Variants in FAM91A1 observed in about 807,000 individuals in gnomAD.
The protein encoded by FAM91A1 is family with sequence similarity 91 member A1.
Under a neutral mutation model 113.5 loss-of-function variants are expected in FAM91A1, and 41 were observed. The observed-to-expected ratio is 0.36, with a 90% CI of 0.28 to 0.47. FAM91A1 has a LOEUF of 0.47. Among genes scored for constraint, FAM91A1 ranks in the 20% least tolerant of loss-of-function variants. FAM91A1 has a pLI of 1.00. For missense variants in FAM91A1, 696 were observed against 1,001.2 expected (o/e 0.70, Z 4.11); for synonymous variants, 307 against 347.9 (o/e 0.88, Z 1.31).
At position 123,777,279 on chromosome 8, in the gene FAM91A1, T is replaced by C; in HGVS notation, c.324T>C (p.Ser108=). ...YTGIMEDIMN[S]EKSYDSLPNF... ...CTTTTTAAAAGGATATTATGAACAG[T>C]GAGAAAAGTTATGATTCATTGCCCA... The change falls in exon 4 of 24, where the codon AGT becomes AGC. Residue 108 remains serine, a synonymous_variant. Transcript: ENST00000334705. The C allele has an allele frequency of 1.2e-6, 2 of 1,609,032 alleles. No homozygotes were observed. Among genetic ancestry groups the C allele is most frequent in the Non-Finnish European group, 1.7e-6 (2 of 1,177,184 alleles).
At chr8:123,768,995 GT>G (rs1814775132) in intron 1 of FAM91A1, among the ~76,000 whole-genome samples, 1 of 152,232 alleles carries the variant, frequency 6.6e-6, no homozygotes, top group Non-Finnish European at 1.5e-5. Context: ...ATGGCATGGT[GT>G]CCACAGGACT....
rs1192111558 is a variant in FAM91A1 at position 123,787,132 on chromosome 8, A to G, written c.1079-129A>G. The stretch of plus-strand genomic sequence containing the variant: ...GGTATGGCTGGAACTTCTTATGGCT[A>G]TAATAGTGCCTTTTTAAAATTATGT... On this transcript the variant is annotated intron_variant, in intron 12 of 23. Transcript: ENST00000334705. The G allele has an allele frequency of 2.9e-5, 20 of 681,374 alleles. No individual in the cohort carries two copies. The Admixed American group carries it at 4.8e-4, about 16-fold the overall frequency. The allele number at this position is 681,374 out of a possible 1,614,324, so 42.2% of individuals were successfully genotyped here. A position where few individuals can be genotyped will look rare whatever the true frequency, so the allele number is the denominator to read the frequency against.
Position 123,768,469 on chromosome 8 carries a change from A to T in FAM91A1, c.-234A>T. ...CATTTCCGGCGGCCCGAAACTAGGA[A>T]GAAACTTGGAGCTGTTCAGGCGATC... On this transcript the variant is annotated 5_prime_UTR_variant, in exon 1 of 24. It adds an upstream start codon to the 5' untranslated region. Coordinates refer to ENST00000334705, the MANE Select transcript of FAM91A1 (RefSeq NM_144963.4). The T allele has an allele frequency of 2.3e-6, 1 of 436,182 alleles. No homozygotes were observed. The allele number at this position is 436,182 out of a possible 1,614,324, so 27.0% of individuals were successfully genotyped here.
In FAM91A1 at chr8:123,778,122, T is replaced by C. The variant is rs780337053; in HGVS notation, c.435+30T>C. ...GTTAGTACTTTCTTTTTCATTGTTTTGGCCTCATCACACAGTTTGATTAGT... is the reference window on the plus strand; with the variant it reads ...GTTAGTACTTTCTTTTTCATTGTTTCGGCCTCATCACACAGTTTGATTAGT... On this transcript the variant is annotated intron_variant, in intron 5 of 23. Coordinates refer to ENST00000334705, the MANE Select transcript of FAM91A1 (RefSeq NM_144963.4). 44 of 1,546,474 alleles carry C rather than the reference T, an allele frequency of 2.8e-5. No individual in the cohort carries two copies. In the East Asian group the frequency reaches 9.5e-4, roughly 33 times the overall value.
rs945784815 is a variant in FAM91A1 at position 123,814,090 on chromosome 8, T to C, written c.*1386T>C. On this transcript the variant is annotated 3_prime_UTR_variant, in exon 24 of 24. Coordinates refer to ENST00000334705, the MANE Select transcript of FAM91A1 (RefSeq NM_144963.4). Reference sequence around the variant, plus strand: ...CTATAGAATTGAATATTTTGGACCATGTTATCTGTGGCACAGTCAGTGCTG... The same window carrying C: ...CTATAGAATTGAATATTTTGGACCACGTTATCTGTGGCACAGTCAGTGCTG... 6 of 351,238 alleles carry C rather than the reference T, an allele frequency of 1.7e-5. No individual in the cohort carries two copies. Among genetic ancestry groups the C allele is most frequent in the African/African-American group, 1.2e-4 (5 of 43,340 alleles). 21.8% of individuals were successfully genotyped at this position (351,238 alleles called of 1,614,324 possible). A position where few individuals can be genotyped will look rare whatever the true frequency, so the allele number is the denominator to read the frequency against.
At position 123,771,114 on chromosome 8, in the gene FAM91A1, C is replaced by T. The variant is rs534144830; in HGVS notation, c.72+2340C>T. 3.9e-5 allele frequency among the ~76,000 whole-genome samples: 6 copies of T among 152,346 alleles called. No individual in the cohort carries two copies. The East Asian group carries it at 1.2e-3, about 29-fold the overall frequency. Reference sequence around the variant, plus strand: ...GCATATTTTGATTCTCACTCTGATACTGCTCCTGGGAGGTTTCCCTGACCA... The same window carrying T: ...GCATATTTTGATTCTCACTCTGATATTGCTCCTGGGAGGTTTCCCTGACCA... On this transcript the variant is annotated intron_variant, in intron 1 of 23. Coordinates refer to ENST00000334705, the MANE Select transcript of FAM91A1 (RefSeq NM_144963.4).
At chr8:123,770,702 A>T (rs1354279216) in intron 1 of FAM91A1, among the ~76,000 whole-genome samples, 3 of 152,234 alleles carry the variant, frequency 2.0e-5, no homozygotes, top group Non-Finnish European at 4.4e-5. Context: ...TTTAATTAGT[A>T]TTGGCAAAAG....
chr8:123,791,501 G>A (rs1815385242), intron 15 of FAM91A1, among the ~76,000 whole-genome samples: 1 of 152,034 alleles, frequency 6.6e-6, no homozygotes, highest in East Asian at 1.9e-4. Context: ...TAACCTTTAA[G>A]GTGGGTTTAA....
chr8:123,814,241 A>G lies in FAM91A1; in HGVS notation c.*1537A>G. 2.8e-6 allele frequency: 1 copy of G among 355,856 alleles called. No homozygotes were observed. Among genetic ancestry groups the G allele is most frequent in the African/African-American group, 2.3e-5 (1 of 44,240 alleles). The allele number at this position is 355,856 out of a possible 1,614,324, so 22.0% of individuals were successfully genotyped here. A position where few individuals can be genotyped will look rare whatever the true frequency, so the allele number is the denominator to read the frequency against. On this transcript the variant is annotated 3_prime_UTR_variant, in exon 24 of 24. Coordinates refer to ENST00000334705, the MANE Select transcript of FAM91A1 (RefSeq NM_144963.4). ...TATTAAATAATTTCTTACGACTCTG[A>G]GTCACTCACTTATTTTTCCAATAAT...
rs755967341 is a variant in FAM91A1 at position 123,805,282 on chromosome 8, G to A, written c.1825G>A (p.Gly609Arg). Residue 609 changes from glycine (G) to arginine (R), a missense_variant, in exon 19 of 24, where the codon GGG becomes AGG. Transcript: ENST00000334705. ...AVLIQGHGLH[G>R]IGETVHVPFP... ...TTATGTTTAGGGGCATGGTCTGCATGGGATAGGAGAAACTGTCCATGTCCC... is the reference window on the plus strand; with the variant it reads ...TTATGTTTAGGGGCATGGTCTGCATAGGATAGGAGAAACTGTCCATGTCCC... 3 of 1,612,014 alleles carry A rather than the reference G, an allele frequency of 1.9e-6. No individual in the cohort carries two copies. Among genetic ancestry groups the A allele is most frequent in the Non-Finnish European group, 2.5e-6 (3 of 1,179,120 alleles).
intron 6 of FAM91A1, 127 bp downstream of exon 6, chr8:123,778,899 A>G: frequency 1.6e-6 from 1 of 639,068 alleles, no homozygotes; most frequent in South Asian, 3.2e-5. Flanking sequence ...TTAAATTTAA[A>G]ATTTAAAATG....
At chr8:123,780,100 T>A in intron 7 of FAM91A1, 25 bp downstream of exon 7, 2 of 1,590,726 alleles carry the variant, frequency 1.3e-6, no homozygotes, top group Non-Finnish European at 1.7e-6. Context: ...GAAATGGTCT[T>A]TTGTCAACAT....
intron 1 of FAM91A1, among the ~76,000 whole-genome samples, chr8:123,769,490 G>T (rs1814787541): frequency 6.6e-6 from 1 of 152,122 alleles, no homozygotes; most frequent in Non-Finnish European, 1.5e-5. Context: ...TTGTTTTGTT[G>T]GACTTTATCC....
chr8:123,789,912 G>A (rs1258864336), intron 15 of FAM91A1, among the ~76,000 whole-genome samples, 167 bp downstream of exon 15: 1 of 152,086 alleles, frequency 6.6e-6, no homozygotes, highest in East Asian at 1.9e-4. Flanking sequence ...CTTGTTAACT[G>A]TTTCTTAACC....
chr8:123,778,652 A>G lies in FAM91A1; in HGVS notation c.436-7A>G, dbSNP rs1208176587. The stretch of plus-strand genomic sequence containing the variant: ...TTGCAAATTCTCAAATGTTTGTACC[A>G]TTGCAGAAATTCTTCAGAAGGAAAA... On this transcript the variant is annotated splice_polypyrimidine_tract_variant and splice_region_variant and intron_variant, in intron 5 of 23. Transcript: ENST00000334705. The G allele has an allele frequency of 5.6e-6, 9 of 1,604,464 alleles. No individual in the cohort carries two copies. Among genetic ancestry groups the G allele is most frequent in the Non-Finnish European group, 7.7e-6 (9 of 1,173,564 alleles).
chr8:123,809,289 G>A (rs1360895172), intron 22 of FAM91A1, among the ~76,000 whole-genome samples: 1 of 152,132 alleles, frequency 6.6e-6, no homozygotes, highest in African/African-American at 2.4e-5. Context: ...GGTGAAATGG[G>A]CATGCTGATA....
chr8:123,794,556 G>A (rs1335037470), intron 15 of FAM91A1, among the ~76,000 whole-genome samples: 2 of 152,208 alleles, frequency 1.3e-5, no homozygotes, highest in East Asian at 3.8e-4. Context: ...TGTTGCTATT[G>A]TGGTGAGCTC....
At chr8:123,793,635 T>C (rs1815438315) in intron 15 of FAM91A1, among the ~76,000 whole-genome samples, 1 of 152,200 alleles carries the variant, frequency 6.6e-6, no homozygotes, top group South Asian at 2.1e-4. Context: ...CTTTACTTTC[T>C]GGCCAAGCAA....
At chr8:123,775,346 T>C (rs756019847) in intron 3 of FAM91A1, 48 bp downstream of exon 3, 7 of 1,581,456 alleles carry the variant, frequency 4.4e-6, no homozygotes, top group South Asian at 3.4e-5. Context: ...TGGGACTACA[T>C]GTCTGGGACT....
Sources: allele counts gnomAD v4.1 joint callset (sites outside exome capture counted in the v4.1 genomes callset), GRCh38; gene constraint gnomAD v4.1.1; transcripts MANE v1.5; gene names NCBI Gene and HGNC (gene_info 2026-07-23, HGNC 2026-07-21).